COL23A1: variants seen among roughly 807,000 people sequenced by gnomAD.
COL23A1 encodes the protein collagen alpha-1(XXIII) chain.
Under a neutral mutation model 99.3 loss-of-function variants are expected in COL23A1, and 97 were observed. The observed-to-expected ratio is 0.98, with a 90% CI of 0.83 to 1.16. COL23A1 has a LOEUF of 1.16. Ranked by LOEUF, COL23A1 falls within the 50% of genes most tolerant of loss-of-function variation. The pLI is 0.00. For synonymous variants in COL23A1, 320 were observed against 308.2 expected (o/e 1.04, Z -0.40); for missense variants, 762 against 757.4 (o/e 1.01, Z -0.07).
chr5:178,419,572 C>T (rs1202623220), intron 2 of COL23A1, among the ~76,000 whole-genome samples: 1 of 152,234 alleles, frequency 6.6e-6, no homozygotes, highest in Non-Finnish European at 1.5e-5. Flanking sequence ...GCAGACTGGG[C>T]ATCCCTATGC....
At chr5:178,504,679 A>G (rs1464541662) in intron 2 of COL23A1, among the ~76,000 whole-genome samples, 2 of 152,178 alleles carry the variant, frequency 1.3e-5, no homozygotes. Context: ...CCCCGCTGAG[A>G]GAAGTCAGGC....
Position 178,309,546 on chromosome 5 carries a change from G to A in COL23A1, c.362-2627C>T, listed in dbSNP as rs1467568121. Among the ~76,000 whole-genome samples the A allele has an allele frequency of 6.6e-6, 1 of 152,090 alleles. No individual in the cohort carries two copies. Among genetic ancestry groups the A allele is most frequent in the Non-Finnish European group, 1.5e-5 (1 of 68,006 alleles). On this transcript the variant is annotated intron_variant, in intron 2 of 28. Coordinates refer to ENST00000390654, the MANE Select transcript of COL23A1 (RefSeq NM_173465.4). The surrounding 1 kb of genome is among the most constrained non-coding windows in gnomAD (Gnocchi z 4.7). Reference sequence around the variant, plus strand: ...TGACCGACTTGCAGATGGACAAGCGGTCTACCCTTTATTCTGAGCTCTGTA... The same window carrying A: ...TGACCGACTTGCAGATGGACAAGCGATCTACCCTTTATTCTGAGCTCTGTA...
At position 178,281,544 on chromosome 5, in the gene COL23A1, G is replaced by C. The variant is rs1048164312; in HGVS notation, c.441+6780C>G. Reference sequence around the variant, plus strand: ...CTTGGGCACGGCGCTCCGGGGCCCAGGAGGTGCCGTGCGTGTGGTTTTGGG... The same window carrying C: ...CTTGGGCACGGCGCTCCGGGGCCCACGAGGTGCCGTGCGTGTGGTTTTGGG... On this transcript the variant is annotated intron_variant, in intron 5 of 28. Coordinates refer to ENST00000390654, the MANE Select transcript of COL23A1 (RefSeq NM_173465.4). The surrounding 1 kb of genome is among the most constrained non-coding windows in gnomAD (Gnocchi z 4.0). Among the ~76,000 whole-genome samples, 6 of 152,148 alleles carry C rather than the reference G, an allele frequency of 3.9e-5. No individual in the cohort carries two copies. Among genetic ancestry groups the C allele is most frequent in the Non-Finnish European group, 7.3e-5 (5 of 68,036 alleles).
chr5:178,290,499 G>A (rs915729555), intron 3 of COL23A1, 130 bp from the exon 4 acceptor site: 6 of 1,209,994 alleles, frequency 5.0e-6, no homozygotes, highest in Non-Finnish European at 6.1e-6. Flanking sequence ...CTTTGATGCT[G>A]CCATGGCTGT....
At chr5:178,403,632 A>C (rs1414680890) in intron 2 of COL23A1, among the ~76,000 whole-genome samples, 4 of 152,240 alleles carry the variant, frequency 2.6e-5, no homozygotes, top group Non-Finnish European at 5.9e-5. Flanking sequence ...ATAAAGGCCA[A>C]GATCTTCAGG....
chr5:178,570,112 CTT>C (rs11374428), intron 1 of COL23A1, among the ~76,000 whole-genome samples: 2 of 142,060 alleles, frequency 1.4e-5, no homozygotes, highest in African/African-American at 5.2e-5. Context: ...TTTTCTTTTT[CTT>C]TTTTTTTTTT....
chr5:178,347,621 C>T (rs1259644780), intron 2 of COL23A1, among the ~76,000 whole-genome samples: 7 of 151,560 alleles, frequency 4.6e-5, no homozygotes, highest in Admixed American at 2.6e-4. Context: ...TGGTGGCTCA[C>T]GCCTGTAATC....
rs781411725 is a variant in COL23A1, at chr5:178,249,138, C to G, written c.1128G>C (p.Glu376Asp). 1 of 1,614,218 alleles carries G rather than the reference C, an allele frequency of 6.2e-7. No homozygotes were observed. The highest frequency in any genetic ancestry group is 1.7e-5 in the Admixed American group (1 of 60,032). ...GPAGLKGEAG[E>D]MGLSGLPGAD... is the part of the protein sequence containing the mutation. ...ATACCGGGAGGCCGGACAAGCCCAT[C>G]TCGCCTGCTTCCCCTTTGAGTCCTG... Residue 376 changes from glutamate to aspartate, a missense_variant, in exon 19 of 29, where the codon GAG (glutamate) becomes GAC (aspartate). Transcript: ENST00000390654.
chr5:178,284,051 C>T (rs773159062), intron 5 of COL23A1, among the ~76,000 whole-genome samples: 10 of 152,202 alleles, frequency 6.6e-5, no homozygotes, highest in Non-Finnish European at 1.5e-4. Context: ...ACTTTATCCA[C>T]ATAAATACTG....
chr5:178,502,386 C>G (rs907028430), intron 2 of COL23A1, among the ~76,000 whole-genome samples: 2 of 152,240 alleles, frequency 1.3e-5, no homozygotes. Context: ...CCGCCTCGGC[C>G]TCCCAAAGTG....
At chr5:178,523,780 ACG>A (rs1287325374) in intron 2 of COL23A1, 2 of 152,222 alleles carry the variant, frequency 1.3e-5, no homozygotes, top group Non-Finnish European at 2.9e-5. Context: ...AATGCAGGCA[ACG>A]CACATTCCAG....
intron 2 of COL23A1, among the ~76,000 whole-genome samples, chr5:178,546,218 ATG>A (rs1168061710): frequency 6.6e-6 from 1 of 152,072 alleles, no homozygotes; most frequent in East Asian, 1.9e-4. Context: ...GGGGGCAGAT[ATG>A]TGTAAGAGGC....
At chr5:178,276,692 A>G (rs534225642) in intron 5 of COL23A1, among the ~76,000 whole-genome samples, 32 of 152,308 alleles carry the variant, frequency 2.1e-4, no homozygotes, top group Non-Finnish European at 4.0e-4. Context: ...CTGCAGCAAG[A>G]CTGTCCGGGG....
chr5:178,245,841 G>A (rs1764663339), intron 25 of COL23A1, 101 bp downstream of exon 25: 4 of 1,385,108 alleles, frequency 2.9e-6, no homozygotes, highest in Non-Finnish European at 4.1e-6. Context: ...CAGCCCTGGG[G>A]AAAGGGGTCA....
intron 2 of COL23A1, among the ~76,000 whole-genome samples, chr5:178,369,122 C>G (rs554763840): frequency 6.6e-6 from 1 of 152,182 alleles, no homozygotes; most frequent in African/African-American, 2.4e-5. Flanking sequence ...CTATTCAGTG[C>G]GGGTCAGGAG....
intron 4 of COL23A1, among the ~76,000 whole-genome samples, chr5:178,289,856 C>A (rs897431488): frequency 2.6e-5 from 4 of 152,198 alleles, no homozygotes; most frequent in Admixed American, 6.5e-5. Flanking sequence ...GAATTCTGTG[C>A]CTGCATTCAT....
chr5:178,281,318 G>A lies in COL23A1; in HGVS notation c.441+7006C>T, dbSNP rs1354736651. Among the ~76,000 whole-genome samples, 1 of 152,014 alleles carries A rather than the reference G, an allele frequency of 6.6e-6. No individual in the cohort carries two copies. Among genetic ancestry groups the A allele is most frequent in the Non-Finnish European group, 1.5e-5 (1 of 67,932 alleles). ...AGCGTGTGAACGTGCGGTGCTCCAT[G>A]GGCCTTTCTTGTTCACTTGATTAAT... On this transcript the variant is annotated intron_variant, in intron 5 of 28. Transcript: ENST00000390654. This position sits in a 1 kb window ranked among gnomAD's most constrained non-coding sequence, Gnocchi z 4.0.
intron 2 of COL23A1, among the ~76,000 whole-genome samples, chr5:178,532,582 C>G (rs1317696636): frequency 2.0e-5 from 3 of 152,138 alleles, no homozygotes. Flanking sequence ...GAAGGGGAAA[C>G]TGAGTCTTGA....
chr5:178,238,543 G>T lies in COL23A1; in HGVS notation c.*155C>A. ...TGTCCACTTTCCGGCAGCTTCACAT[G>T]CCGGTGGCTTTGGGGCTGGGTGGGC... On this transcript the variant is annotated 3_prime_UTR_variant, in exon 29 of 29. Coordinates refer to ENST00000390654, the MANE Select transcript of COL23A1 (RefSeq NM_173465.4). 1 of 972,458 alleles carries T rather than the reference G, an allele frequency of 1.0e-6. No homozygotes were observed. Among genetic ancestry groups the T allele is most frequent in the Non-Finnish European group, 1.6e-6 (1 of 636,174 alleles). The allele number at this position is 972,458 out of a possible 1,614,324, so 60.2% of individuals were successfully genotyped here.
Sources: gnomAD v4.1 joint callset for allele counts (sites outside exome capture counted in the v4.1 genomes callset) on GRCh38, gnomAD v4.1.1 for gene constraint, Gnocchi (gnomAD v3.1) non-coding constraint, MANE v1.5 for transcripts, NCBI Gene and HGNC (gene_info 2026-07-23, HGNC 2026-07-21) for gene names.